SMAP1: variants seen among roughly 807,000 people sequenced by gnomAD.
The protein encoded by SMAP1 is small ArfGAP 1.
In SMAP1, 24 loss-of-function variants were observed where a neutral mutation model predicts 58.5. That is an observed-to-expected ratio of 0.41 (90% CI 0.30 to 0.58). The LOEUF is 0.58. Ranked by LOEUF, SMAP1 falls within the 20% of genes least tolerant of loss-of-function variation. The probability of loss-of-function intolerance (pLI) is 0.29; values close to 1 mark genes in which losing one functional copy is unlikely to be tolerated. For synonymous variants in SMAP1, 216 were observed against 196.6 expected, an observed-to-expected ratio of 1.10 and a Z score of -0.82; for missense variants, 563 against 566.3, an observed-to-expected ratio of 0.99 and a Z score of 0.06.
At chr6:70,736,363 T>C (rs758330975) in intron 2 of SMAP1, among the ~76,000 whole-genome samples, 2 of 152,320 alleles carry the variant, frequency 1.3e-5, no homozygotes, top group Admixed American at 6.5e-5. Flanking sequence ...AAGTTTTTTA[T>C]ACTTTTATAA....
chr6:70,786,829 T>C (rs111648509), intron 4 of SMAP1, among the ~76,000 whole-genome samples: 23 of 152,224 alleles, frequency 1.5e-4, no homozygotes, highest in African/African-American at 5.5e-4. Flanking sequence ...GAACATTCCA[T>C]GCTCATGGAC....
intron 6 of SMAP1, among the ~76,000 whole-genome samples, chr6:70,836,096 A>G (rs75529800): frequency 0.022 from 3,298 of 152,288 alleles, 65 homozygotes; most frequent in Middle Eastern, 0.031. Context: ...TGTGCTCACG[A>G]AGACTCCAAG....
intron 4 of SMAP1, among the ~76,000 whole-genome samples, chr6:70,781,061 G>T (rs997526582): frequency 6.6e-6 from 1 of 152,108 alleles, no homozygotes; most frequent in Non-Finnish European, 1.5e-5. Flanking sequence ...TTAATTATAA[G>T]AGTTTATATC....
chr6:70,786,638 C>G (rs904483941), intron 4 of SMAP1, among the ~76,000 whole-genome samples: 1 of 152,116 alleles, frequency 6.6e-6, no homozygotes, highest in Middle Eastern at 3.2e-3. Flanking sequence ...ACAAAAATCA[C>G]AAGCATTCTT....
intron 4 of SMAP1, among the ~76,000 whole-genome samples, chr6:70,774,819 C>G (rs575844655): frequency 2.6e-4 from 40 of 151,742 alleles, no homozygotes; most frequent in African/African-American, 9.2e-4. Context: ...TTGAGACCAG[C>G]CAGGCCAACA....
rs1771698472 is a variant in SMAP1 at position 70,861,002 on chromosome 6, CT to C, written c.*673del. 6.7e-6 allele frequency: 2 copies of C among 299,334 alleles called. No individual in the cohort carries two copies. The highest frequency in any genetic ancestry group is 1.2e-5 in the Non-Finnish European group (2 of 162,952). The allele number at this position is 299,334 out of a possible 1,614,324, so 18.5% of individuals were successfully genotyped here. A position where few individuals can be genotyped will look rare whatever the true frequency, so the allele number is the denominator to read the frequency against. ...ATGTACATAGTGCTAACATGAAGAC[CT>C]TTTTCTGCACTATATGCAAACAGGG... On this transcript the variant is annotated 3_prime_UTR_variant, in exon 11 of 11. Coordinates refer to ENST00000370455, the MANE Select transcript of SMAP1 (RefSeq NM_001044305.3).
At chr6:70,672,117 G>A (rs77145480) in intron 1 of SMAP1, among the ~76,000 whole-genome samples, 1,723 of 152,340 alleles carry the variant, frequency 0.011, 18 homozygotes, top group Middle Eastern at 0.024. Context: ...TTAGGTAAGA[G>A]AGCTAAAAAA....
chr6:70,751,234 C>T (rs1012625661), intron 2 of SMAP1, among the ~76,000 whole-genome samples: 2 of 151,832 alleles, frequency 1.3e-5, no homozygotes, highest in African/African-American at 4.8e-5. Context: ...AGTGAGACTC[C>T]GTCTTACAAA....
At chr6:70,854,483 G>A (rs780102197) in intron 8 of SMAP1, among the ~76,000 whole-genome samples, 9 of 152,084 alleles carry the variant, frequency 5.9e-5, no homozygotes, top group Non-Finnish European at 1.2e-4. Context: ...TTAGCTGGGC[G>A]TGGTGGCGTG....
At chr6:70,859,263 C>CA in intron 10 of SMAP1, 1 of 1,155,074 alleles carries the variant, frequency 8.7e-7, no homozygotes, top group Non-Finnish European at 1.2e-6. Flanking sequence ...CATGCTGAAG[C>CA]ACACCCAGCT....
At chr6:70,670,030 A>T (rs1766199808) in intron 1 of SMAP1, among the ~76,000 whole-genome samples, 1 of 151,838 alleles carries the variant, frequency 6.6e-6, no homozygotes. Flanking sequence ...CAAAAGTTTT[A>T]CTTCTTTGGA....
chr6:70,759,325 A>G (rs745560044), intron 3 of SMAP1, among the ~76,000 whole-genome samples: 2 of 152,030 alleles, frequency 1.3e-5, no homozygotes, highest in Non-Finnish European at 2.9e-5. Flanking sequence ...CTCGAATTGA[A>G]GAATCCTCCT....
At chr6:70,837,668 C>CTTT (rs35922889) in intron 7 of SMAP1, 10 of 422,964 alleles carry the variant, frequency 2.4e-5, no homozygotes, top group Admixed American at 6.0e-5. Flanking sequence ...CTCTCTCTCT[C>CTTT]TTTTTTTTTT....
intron 1 of SMAP1, among the ~76,000 whole-genome samples, chr6:70,685,702 T>C (rs1766907920): frequency 1.3e-5 from 2 of 152,218 alleles, no homozygotes; most frequent in Admixed American, 6.5e-5. Flanking sequence ...GGACAATTGT[T>C]GATTTGGGAG....
At chr6:70,826,958 A>G (rs1770154124) in intron 6 of SMAP1, among the ~76,000 whole-genome samples, 1 of 147,688 alleles carries the variant, frequency 6.8e-6, no homozygotes. Context: ...AAAAAAAAAA[A>G]AAGAAAAAGA....
chr6:70,823,878 GTT>G (rs753268495), intron 6 of SMAP1, among the ~76,000 whole-genome samples: 3 of 140,774 alleles, frequency 2.1e-5, no homozygotes, highest in Non-Finnish European at 3.1e-5. Context: ...GAGCCCAAGG[GTT>G]TTTTTTTTTT....
At chr6:70,838,170 C>G (rs1770672313) in intron 7 of SMAP1, among the ~76,000 whole-genome samples, 1 of 152,010 alleles carries the variant, frequency 6.6e-6, no homozygotes, top group Non-Finnish European at 1.5e-5. Flanking sequence ...AAAAAAAAAT[C>G]TTAGTAAAAC....
chr6:70,710,745 A>T (rs1460912782), intron 1 of SMAP1, among the ~76,000 whole-genome samples: 4 of 152,104 alleles, frequency 2.6e-5, no homozygotes, highest in Admixed American at 6.5e-5. Context: ...AACTTCAAAA[A>T]TTTTTTAAAC....
In SMAP1 at chr6:70,852,805, C is replaced by G. The variant is rs1771239716; in HGVS notation, c.789+141C>G. ...GTTCTTTAGGCTAGAGTTTAGCAAA[C>G]TAAGCCAGCAGCTTGTTTTTGCAAA... is the stretch of plus-strand genomic sequence containing the variant. On this transcript the variant is annotated intron_variant, in intron 8 of 10. Transcript: ENST00000370455. The G allele has an allele frequency of 3.0e-6, 3 of 999,950 alleles. No individual in the cohort carries two copies. The South Asian group carries it at 8.2e-5, about 27-fold the overall frequency. The allele number at this position is 999,950 out of a possible 1,614,324, so 61.9% of individuals were successfully genotyped here. A position where few individuals can be genotyped will look rare whatever the true frequency, so the allele number is the denominator to read the frequency against.
Sources: allele counts gnomAD v4.1 joint callset (sites outside exome capture counted in the v4.1 genomes callset), GRCh38; gene constraint gnomAD v4.1.1; transcripts MANE v1.5; gene names NCBI Gene and HGNC (gene_info 2026-07-23, HGNC 2026-07-21).